Variants in OR7G2 observed in about 807,000 individuals in gnomAD.
OR7G2 encodes olfactory receptor 7G2.
For synonymous variants in OR7G2, 153 were observed against 152.2 expected (o/e 1.01, Z -0.04); for missense variants, 362 against 384.0 (o/e 0.94, Z 0.48).
rs2050358566 is a variant in OR7G2 at position 9,102,335 on chromosome 19, C to A, written c.909G>T (p.Lys303Asn). ...RNKDMKGTLRKFIGRIPSLLW... is the reference protein window; with the variant it reads ...RNKDMKGTLRNFIGRIPSLLW... ...GAAGAGAAGGTATCCTCCCTATGAA[C>A]TTCCTCAAGGTTCCTTTCATGTCCT... The change falls in exon 2 of 2, where the codon AAG becomes AAT. Residue 303 changes from lysine (K) to asparagine (N), a missense_variant. Lys to Asn is a moderately conservative substitution (Grantham distance 94). Coordinates refer to ENST00000641081, the MANE Select transcript of OR7G2 (RefSeq NM_001005193.2). The A allele has an allele frequency of 1.9e-6, 3 of 1,613,976 alleles. No homozygotes were observed. Among genetic ancestry groups the A allele is most frequent in the Admixed American group, 1.7e-5 (1 of 59,980 alleles).
chr19:9,102,475 C>G lies in OR7G2; in HGVS notation c.769G>C (p.Gly257Arg), dbSNP rs776818629. ...GTAACCACAGAACTAATGTACACCCCCAAACCTGCCCCATAGAACAAGAGA... is the reference window on the plus strand; with the variant it reads ...GTAACCACAGAACTAATGTACACCCGCAAACCTGCCCCATAGAACAAGAGA... ...IVLLFYGAGL[G>R]VYISSVVTDS... Residue 257 changes from glycine to arginine, a missense_variant, in exon 2 of 2, where the codon GGG becomes CGG. Transcript: ENST00000641081. The G allele has an allele frequency of 6.2e-7, 1 of 1,614,052 alleles. No homozygotes were observed. The highest frequency in any genetic ancestry group is 1.7e-5 in the Admixed American group (1 of 59,994).
chr19:9,100,471 T>C lies in OR7G2; in HGVS notation c.*1798A>G, dbSNP rs112860455. 0.073 allele frequency: 11,121 copies of C among 152,260 alleles called. 437 individuals are homozygous for C. Among genetic ancestry groups the C allele is most frequent in the African/African-American group, 0.096 (4,000 of 41,534 alleles). The allele number at this position is 152,260 out of a possible 1,614,324, so 9.4% of individuals were successfully genotyped here. On this transcript the variant is annotated 3_prime_UTR_variant, in exon 2 of 2. Transcript: ENST00000641081. ...CCAGTTTTGAACTCCTGACCTCAAG[T>C]GATCCACCCACCTTGGCCTCCCAAA...
At chr19:9,103,501 C>CTTTTTTTTTTTTTTT (rs201971532) in intron 1 of OR7G2, among the ~76,000 whole-genome samples, 1 of 119,076 alleles carries the variant, frequency 8.4e-6, no homozygotes, top group Non-Finnish European at 1.7e-5. Context: ...ATGTGGAAAT[C>CTTTTTTTTTTTTTTT]TTTTTTTTTT....
At position 9,100,418 on chromosome 19, in the gene OR7G2, G is replaced by C. The variant is rs1189567288; in HGVS notation, c.*1851C>G. ...ATGGCTAACTTTTGTATTTTTAGTA[G>C]AGATGGGGTTTCACCACGTGGGCCA... On this transcript the variant is annotated 3_prime_UTR_variant, in exon 2 of 2. Transcript: ENST00000641081. The C allele has an allele frequency of 6.6e-6, 1 of 152,040 alleles. No homozygotes were observed. Among genetic ancestry groups the C allele is most frequent in the African/African-American group, 2.4e-5 (1 of 41,402 alleles). 9.4% of individuals were successfully genotyped at this position (152,040 alleles called of 1,614,324 possible).
chr19:9,103,309 C>T, intron 1 of OR7G2, 50 bp from the exon 2 acceptor site: 1 of 1,604,494 alleles, frequency 6.2e-7, no homozygotes, highest in South Asian at 1.1e-5. Flanking sequence ...ATCGGCATCA[C>T]TCGAGAACAT....
chr19:9,102,187 G>T lies in OR7G2; in HGVS notation c.*82C>A. 3 of 1,300,512 alleles carry T rather than the reference G, an allele frequency of 2.3e-6. No homozygotes were observed. The highest frequency in any genetic ancestry group is 3.2e-6 in the Non-Finnish European group (3 of 943,900). The allele number at this position is 1,300,512 out of a possible 1,614,324, so 80.6% of individuals were successfully genotyped here. Reference sequence around the variant, plus strand: ...ATTGCACTCCAGCCTGGGAGACAGAGAAAGACTCCATCTCAGAGAAAAAAA... The same window carrying T: ...ATTGCACTCCAGCCTGGGAGACAGATAAAGACTCCATCTCAGAGAAAAAAA... On this transcript the variant is annotated 3_prime_UTR_variant, in exon 2 of 2. Coordinates refer to ENST00000641081, the MANE Select transcript of OR7G2 (RefSeq NM_001005193.2).
chr19:9,106,775 G>A (rs939029900), intron 1 of OR7G2, among the ~76,000 whole-genome samples: 8 of 148,506 alleles, frequency 5.4e-5, no homozygotes, highest in African/African-American at 1.2e-4. Flanking sequence ...CAAAACCACC[G>A]CTTCATGTTT....
chr19:9,104,237 A>G (rs1377186037), intron 1 of OR7G2, among the ~76,000 whole-genome samples: 1 of 152,038 alleles, frequency 6.6e-6, no homozygotes. Context: ...TCCCTTACCC[A>G]TGGCAGACAC....
At position 9,102,532 on chromosome 19, in the gene OR7G2, C is replaced by G; in HGVS notation, c.712G>C (p.Val238Leu). ...MPSASGKHKAVSTCGSHLSIV... is the reference protein window; with the variant it reads ...MPSASGKHKALSTCGSHLSIV... The stretch of plus-strand genomic sequence containing the variant: ...GAGAGGTGAGACCCACAGGTGGAAA[C>G]TGCTTTGTGCTTTCCACTTGCTGAT... Residue 238 changes from valine (V) to leucine (L), a missense_variant, in exon 2 of 2, where the codon GTT becomes CTT. By Grantham distance (32) the Val-to-Leu change is conservative (BLOSUM62 1). Transcript: ENST00000641081. 1.2e-6 allele frequency: 2 copies of G among 1,614,184 alleles called. No individual in the cohort carries two copies. The highest frequency in any genetic ancestry group is 1.7e-6 in the Non-Finnish European group (2 of 1,180,030).
chr19:9,105,307 T>C (rs1312954313), intron 1 of OR7G2, among the ~76,000 whole-genome samples: 4 of 152,058 alleles, frequency 2.6e-5, no homozygotes, highest in African/African-American at 9.7e-5. Flanking sequence ...TATAAGACAC[T>C]AACTCAATTT....
rs773575328 is a variant in OR7G2 at position 9,102,599 on chromosome 19, A to G, written c.645T>C (p.Ile215=). ...IFGGVPLSGI[I]LSYTQITSCV... ...AGGAGGTGATCTGAGTGTAAGACAA[A>G]ATGATTCCAGACAGAGGAACACCAC... Residue 215 remains isoleucine, a synonymous_variant, in exon 2 of 2, where the codon ATT becomes ATC. Coordinates refer to ENST00000641081, the MANE Select transcript of OR7G2 (RefSeq NM_001005193.2). 6.2e-7 allele frequency: 1 copy of G among 1,614,170 alleles called. No homozygotes were observed. Among genetic ancestry groups the G allele is most frequent in the African/African-American group, 1.3e-5 (1 of 75,048 alleles).
At chr19:9,107,154 G>C (rs2050390684) in intron 1 of OR7G2, among the ~76,000 whole-genome samples, 160 bp downstream of exon 1, 1 of 152,146 alleles carries the variant, frequency 6.6e-6, no homozygotes, top group African/African-American at 2.4e-5. Flanking sequence ...AGTGAGCTAT[G>C]ATCGAGTCAC....
intron 1 of OR7G2, among the ~76,000 whole-genome samples, chr19:9,106,343 T>C (rs1391673005): frequency 2.0e-5 from 3 of 151,618 alleles, no homozygotes; most frequent in African/African-American, 7.3e-5. Context: ...GAGAATCGCT[T>C]GCACCTGAGA....
At chr19:9,103,545 C>G (rs13345693) in intron 1 of OR7G2, among the ~76,000 whole-genome samples, 43,538 of 140,884 alleles carry the variant, frequency 0.31, 7,285 homozygotes, top group East Asian at 0.61. Context: ...CTCACTCTGT[C>G]CACCAGGCTG....
chr19:9,105,427 T>C (rs1466935069), intron 1 of OR7G2, among the ~76,000 whole-genome samples: 1 of 152,192 alleles, frequency 6.6e-6, no homozygotes, highest in Non-Finnish European at 1.5e-5. Flanking sequence ...TGATGCAAGA[T>C]TGGTTCAACA....
At position 9,102,432 on chromosome 19, in the gene OR7G2, G is replaced by A; in HGVS notation, c.812C>T (p.Thr271Ile). ...SSVVTDSPRK[T>I]AVASVMYSVF... Reference sequence around the variant, plus strand: ...AGAATACATCACTGAAGCCACTGCAGTCTTCCTAGGTGAGTCAGTAACCAC... The same window carrying A: ...AGAATACATCACTGAAGCCACTGCAATCTTCCTAGGTGAGTCAGTAACCAC... The change falls in exon 2 of 2, where the codon ACT becomes ATT. Residue 271 changes from threonine to isoleucine, a missense_variant. Thr to Ile is a moderately conservative substitution (Grantham distance 89, BLOSUM62 -1). Coordinates refer to ENST00000641081, the MANE Select transcript of OR7G2 (RefSeq NM_001005193.2). The A allele has an allele frequency of 6.2e-7, 1 of 1,614,012 alleles. No homozygotes were observed. Among genetic ancestry groups the A allele is most frequent in the Non-Finnish European group, 8.5e-7 (1 of 1,179,870 alleles).
Position 9,103,189 on chromosome 19 carries a change from C to G in OR7G2, c.55G>C (p.Glu19Gln). Residue 19 changes from glutamate to glutamine, a missense_variant, in exon 2 of 2, where the codon GAG (glutamate) becomes CAG (glutamine). Transcript: ENST00000641081. ...AGGACGGGCTGCAGTTCCGGATCCT[C>G]TATCAGTCCCAGGAGAAGGAATTTT... ...ISKFLLLGLI[E>Q]DPELQPVLFS... 6.2e-7 allele frequency: 1 copy of G among 1,614,156 alleles called. No homozygotes were observed. Among genetic ancestry groups the G allele is most frequent in the South Asian group, 1.1e-5 (1 of 91,078 alleles).
At position 9,102,737 on chromosome 19, in the gene OR7G2, G is replaced by T. The variant is rs771542236; in HGVS notation, c.507C>A (p.Cys169Ter). The change falls in exon 2 of 2, where the codon TGC becomes TGA. Residue 169 changes from cysteine (C) to a stop codon, truncating the protein, a stop_gained. Coordinates refer to ENST00000641081, the MANE Select transcript of OR7G2 (RefSeq NM_001005193.2). LOFTEE classifies it low-confidence loss of function (END_TRUNC). ...LSLMVLRLSF[C>*]TDLEIPLFFC... is the part of the protein sequence containing the mutation. ...AGAAGAGCGGGATTTCCAGGTCTGT[G>T]CAGAAGGACAGCCTCAACACCATCA... 1 of 1,614,146 alleles carries T rather than the reference G, an allele frequency of 6.2e-7. No homozygotes were observed. Among genetic ancestry groups the T allele is most frequent in the Non-Finnish European group, 8.5e-7 (1 of 1,180,018 alleles).
In OR7G2 at chr19:9,102,403, A is replaced by C. The variant is rs4804401; in HGVS notation, c.841T>G (p.Phe281Val). The C allele has an allele frequency of 0.34, 544,595 of 1,612,318 alleles. 96,430 individuals carry two copies. Among genetic ancestry groups the C allele is most frequent in the East Asian group, 0.57 (25,492 of 44,848 alleles). ...ATAAAGGGGTTCACCATTTGAGGGA[A>C]CACAGAATACATCACTGAAGCCACT... ...TAVASVMYSV[F>V]PQMVNPFIYS... Residue 281 changes from phenylalanine (F) to valine (V), a missense_variant, in exon 2 of 2, where the codon TTC (phenylalanine) becomes GTC (valine). By Grantham distance (50) the Phe-to-Val change is conservative. Transcript: ENST00000641081.
Sources: gnomAD v4.1 joint callset for allele counts (sites outside exome capture counted in the v4.1 genomes callset) on GRCh38, gnomAD v4.1.1 for gene constraint, MANE v1.5 for transcripts, NCBI Gene and HGNC (gene_info 2026-07-23, HGNC 2026-07-21) for gene names.